NUDT6: variants seen among roughly 807,000 people sequenced by gnomAD.
NUDT6 encodes FAD diphosphatase NUDT6.
Under a neutral mutation model 36.8 loss-of-function variants are expected in NUDT6, and 24 were observed. That is an observed-to-expected ratio of 0.65 (90% CI 0.47 to 0.92). The LOEUF is 0.92. Ranked by LOEUF, NUDT6 falls within the 40% of genes least tolerant of loss-of-function variation. NUDT6 has a pLI of 0.00. For missense variants in NUDT6, 388 were observed against 392.8 expected, an observed-to-expected ratio of 0.99 and a Z score of 0.10; for synonymous variants, 163 against 157.0, an observed-to-expected ratio of 1.04 and a Z score of -0.29.
chr4:122,922,228 C>A lies in NUDT6; in HGVS notation c.238+107G>T, dbSNP rs368636882. 2.2e-4 allele frequency: 204 copies of A among 939,992 alleles called. No homozygotes were observed. In the African/African-American group the frequency reaches 3.1e-3, roughly 14 times the overall value. 58.2% of individuals were successfully genotyped at this position (939,992 alleles called of 1,614,324 possible). A position where few individuals can be genotyped will look rare whatever the true frequency, so the allele number is the denominator to read the frequency against. ...GGTCACGCGTGCCTTCTCCCTTTCC[C>A]TCTGGGCTCGACAGTGGTGCACAGA... On this transcript the variant is annotated intron_variant, in intron 1 of 4. Transcript: ENST00000304430.
chr4:122,910,011 A>G (rs1355216308), intron 3 of NUDT6, among the ~76,000 whole-genome samples: 1 of 152,244 alleles, frequency 6.6e-6, no homozygotes, highest in East Asian at 1.9e-4. Context: ...AACATTTCAG[A>G]AAACACTTTC....
At chr4:122,910,462 T>C (rs180848429) in intron 3 of NUDT6, among the ~76,000 whole-genome samples, 87 of 152,332 alleles carry the variant, frequency 5.7e-4, no homozygotes, top group African/African-American at 2.0e-3. Context: ...ATAACATGGC[T>C]AGATTCTTAT....
rs1727635136 is a variant in NUDT6, at chr4:122,907,243, G to T, written c.498+5325C>A. 1.3e-5 allele frequency among the ~76,000 whole-genome samples: 2 copies of T among 152,036 alleles called. 1 individual carries two copies. The highest frequency in any genetic ancestry group is 4.1e-4 in the South Asian group (2 of 4,820). On this transcript the variant is annotated intron_variant, in intron 3 of 4. Transcript: ENST00000304430. Reference sequence around the variant, plus strand: ...CCTCCTGGGTTCTAGTGATTCTCCTGCCTCAGCCTCCTGAGTAGCTGGGAT... The same window carrying T: ...CCTCCTGGGTTCTAGTGATTCTCCTTCCTCAGCCTCCTGAGTAGCTGGGAT...
intron 3 of NUDT6, among the ~76,000 whole-genome samples, chr4:122,911,086 G>A (rs561299795): frequency 2.0e-5 from 3 of 152,002 alleles, no homozygotes; most frequent in Admixed American, 1.3e-4. Flanking sequence ...ACAGTATTTC[G>A]GGCATATCAT....
intron 1 of NUDT6, 51 bp downstream of exon 1, chr4:122,922,284 C>T: frequency 6.6e-7 from 1 of 1,507,592 alleles, no homozygotes; most frequent in South Asian, 1.2e-5. Flanking sequence ...GCGGTTATTT[C>T]ATTAGAAAAG....
chr4:122,915,469 CAAAAAAAAAAAA>C (rs61032259), intron 2 of NUDT6, among the ~76,000 whole-genome samples: 1,207 of 42,238 alleles, frequency 0.029, 24 homozygotes, highest in African/African-American at 0.073. Flanking sequence ...GACCCTGCCT[CAAAAAAAAAAAA>C]AAAAAAAAAA....
Position 122,897,623 on chromosome 4 carries a change from C to A in NUDT6, c.553+1G>T. The A allele has an allele frequency of 3.1e-6, 5 of 1,592,552 alleles. No homozygotes were observed. The highest frequency in any genetic ancestry group is 4.3e-6 in the Non-Finnish European group (5 of 1,160,492). ...CAATTAAAAATATAAAAGATACACA[C>A]CAATATCTTCTTCAGGCTCTGACAG... On this transcript the variant is annotated splice_donor_variant, in intron 4 of 4. Transcript: ENST00000304430. LOFTEE classifies it high-confidence loss of function.
At chr4:122,895,636 A>G (rs1440179009) in intron 4 of NUDT6, 1 of 152,172 alleles carries the variant, frequency 6.6e-6, no homozygotes, top group Non-Finnish European at 1.5e-5. Context: ...TCTTGTGGAT[A>G]CCTTTATACT....
At position 122,893,061 on chromosome 4, in the gene NUDT6, G is replaced by C; in HGVS notation, c.718C>G (p.Gln240Glu). 6.2e-7 allele frequency: 1 copy of C among 1,614,036 alleles called. No individual in the cohort carries two copies. The highest frequency in any genetic ancestry group is 1.7e-5 in the Admixed American group (1 of 60,014). ...KPYSFTINFC[Q>E]EECLRCEWMD... ...CACTCACATCTTAAGCATTCTTCCTGGCAAAAATTTATGGTGAATGAATAT... is the reference window on the plus strand; with the variant it reads ...CACTCACATCTTAAGCATTCTTCCTCGCAAAAATTTATGGTGAATGAATAT... The change falls in exon 5 of 5, where the codon CAG becomes GAG. Residue 240 changes from glutamine to glutamate, a missense_variant. Physicochemically the swap from Gln to Glu is conservative, Grantham distance 29. Coordinates refer to ENST00000304430, the MANE Select transcript of NUDT6 (RefSeq NM_007083.5).
intron 2 of NUDT6, 95 bp from the exon 3 acceptor site, chr4:122,912,718 C>T: frequency 1.3e-6 from 1 of 784,816 alleles, no homozygotes; most frequent in South Asian, 1.6e-5. Context: ...AAAAATTCTA[C>T]CCATACTTGA....
At position 122,913,555 on chromosome 4, in the gene NUDT6, C is replaced by G. The variant is rs142140300; in HGVS notation, c.443-932G>C. On this transcript the variant is annotated intron_variant, in intron 2 of 4. Transcript: ENST00000304430. Reference sequence around the variant, plus strand: ...TTTATTCCTTGAATCACTATGCATACAACACAGGCTGTGCCCCCTGATGAT... The same window carrying G: ...TTTATTCCTTGAATCACTATGCATAGAACACAGGCTGTGCCCCCTGATGAT... Among the ~76,000 whole-genome samples, 327 of 152,292 alleles carry G rather than the reference C, an allele frequency of 2.1e-3. 2 individuals are homozygous for G. Among genetic ancestry groups the G allele is most frequent in the African/African-American group, 7.7e-3 (318 of 41,562 alleles).
chr4:122,893,221 G>A lies in NUDT6; in HGVS notation c.558C>T (p.Asp186=), dbSNP rs1727243302. 1.9e-6 allele frequency: 3 copies of A among 1,590,616 alleles called. No individual in the cohort carries two copies. Among genetic ancestry groups the A allele is most frequent in the Middle Eastern group, 1.7e-4 (1 of 5,934 alleles). ...CTTCAAAAACTTCTCGAACCGCTGT[G>A]TCTCCTACGTAAAAAAAGAGATGTA... ...GLSEPEEDIG[D]TAVREVFEET... The change falls in exon 5 of 5, where the codon GAC becomes GAT. Residue 186 remains aspartate, a synonymous_variant. Coordinates refer to ENST00000304430, the MANE Select transcript of NUDT6 (RefSeq NM_007083.5).
intron 1 of NUDT6, chr4:122,919,960 T>C (rs1727933461): frequency 6.6e-6 from 1 of 152,258 alleles, no homozygotes; most frequent in South Asian, 2.1e-4. Flanking sequence ...GTGAGTGGCA[T>C]AGCAGGGACC....
chr4:122,895,373 C>T (rs1003086506), intron 4 of NUDT6: 1 of 152,014 alleles, frequency 6.6e-6, no homozygotes, highest in Non-Finnish European at 1.5e-5. Context: ...TGTTTAGTTA[C>T]AGGACAATAA....
At chr4:122,922,732 C>T (rs1398674003), upstream of NUDT6, 2 of 647,966 alleles carry the variant, frequency 3.1e-6, no homozygotes, top group Non-Finnish European at 2.6e-6. Flanking sequence ...AAGTGGTCCA[C>T]CAGCCCTTCT....
At chr4:122,907,804 CT>C (rs1727651165) in intron 3 of NUDT6, among the ~76,000 whole-genome samples, 1 of 152,112 alleles carries the variant, frequency 6.6e-6, no homozygotes. Context: ...CAAATTCTTT[CT>C]TGTGTGAGAT....
Position 122,893,185 on chromosome 4 carries a change from T to C in NUDT6, c.594A>G (p.Ile198Met), listed in dbSNP as rs1727240883. 6.2e-7 allele frequency: 1 copy of C among 1,612,658 alleles called. No individual in the cohort carries two copies. The highest frequency in any genetic ancestry group is 8.5e-7 in the Non-Finnish European group (1 of 1,179,226). The change falls in exon 5 of 5, where the codon ATA becomes ATG. Residue 198 changes from isoleucine (I) to methionine (M), a missense_variant. Ile to Met is a conservative substitution (Grantham distance 10). Coordinates refer to ENST00000304430, the MANE Select transcript of NUDT6 (RefSeq NM_007083.5). Reference sequence around the variant, plus strand: ...TCAGGACGGACCTGAATTCTGATTTTATACCAGTCTCTTCAAAAACTTCTC... The same window carrying C: ...TCAGGACGGACCTGAATTCTGATTTCATACCAGTCTCTTCAAAAACTTCTC... The part of the protein sequence containing the change: ...AVREVFEETG[I>M]KSEFRSVLSI...
chr4:122,919,234 T>C (rs957340917), intron 1 of NUDT6: 2 of 152,276 alleles, frequency 1.3e-5, no homozygotes, highest in African/African-American at 4.8e-5. Flanking sequence ...GTTGTTGTTG[T>C]TGAGACGGAG....
At chr4:122,896,909 A>G (rs761610705) in intron 4 of NUDT6, 1 of 152,240 alleles carries the variant, frequency 6.6e-6, no homozygotes, top group African/African-American at 2.4e-5. Flanking sequence ...TTGATTTGTC[A>G]TGATACACAT....
Sources: allele counts gnomAD v4.1 joint callset (sites outside exome capture counted in the v4.1 genomes callset), GRCh38; gene constraint gnomAD v4.1.1; transcripts MANE v1.5; gene names NCBI Gene and HGNC (gene_info 2026-07-23, HGNC 2026-07-21).